SGCZ: variants seen among roughly 807,000 people sequenced by gnomAD.
SGCZ encodes zeta-sarcoglycan.
In SGCZ, 40 loss-of-function variants were observed where a neutral mutation model predicts 41.3. The observed-to-expected ratio is 0.97, with a 90% confidence interval of 0.75 to 1.26. The LOEUF (loss-of-function observed/expected upper bound fraction) is 1.26, where lower values mean the gene tolerates loss of function less well. SGCZ is among the 50% of genes most tolerant of loss of function. The pLI is 0.00. For missense variants in SGCZ, 552 were observed against 369.8 expected, an observed-to-expected ratio of 1.49 and a Z score of -4.04; for synonymous variants, 206 against 137.5, an observed-to-expected ratio of 1.50 and a Z score of -3.49.
intron 1 of SGCZ, among the ~76,000 whole-genome samples, chr8:14,692,915 C>G (rs1261044962): frequency 6.6e-6 from 1 of 152,088 alleles, no homozygotes; most frequent in Non-Finnish European, 1.5e-5. Context: ...AATTCTAAAC[C>G]TTGATGGAAT....
intron 3 of SGCZ, among the ~76,000 whole-genome samples, chr8:14,285,659 A>G (rs1280756597): frequency 6.6e-6 from 1 of 152,112 alleles, no homozygotes; most frequent in Non-Finnish European, 1.5e-5. Context: ...AGAGGAAACA[A>G]AGAAGTCCTG....
intron 2 of SGCZ, among the ~76,000 whole-genome samples, chr8:14,551,524 A>ATTATATATT (rs1563404476): frequency 1.0e-4 from 1 of 9,936 alleles, no homozygotes; most frequent in Non-Finnish European, 1.6e-4. Context: ...TATTATATAT[A>ATTATATATT]ATATATATAA....
chr8:14,486,617 A>G (rs762295296), intron 2 of SGCZ, among the ~76,000 whole-genome samples: 11 of 152,192 alleles, frequency 7.2e-5, no homozygotes, highest in Non-Finnish European at 1.5e-4. Flanking sequence ...TCTGCTGCCC[A>G]GGCTGAAGTG....
chr8:14,614,440 A>C (rs528755313), intron 1 of SGCZ, among the ~76,000 whole-genome samples: 1 of 152,326 alleles, frequency 6.6e-6, no homozygotes, highest in African/African-American at 2.4e-5. Flanking sequence ...TATATGCATT[A>C]ACAGGGTACA....
intron 1 of SGCZ, among the ~76,000 whole-genome samples, chr8:15,077,104 G>A (rs557845603): frequency 6.6e-6 from 1 of 152,302 alleles, no homozygotes. Context: ...ACTCACTGCT[G>A]TAATGAAGTG....
intron 1 of SGCZ, among the ~76,000 whole-genome samples, chr8:14,643,139 T>C (rs1351810718): frequency 6.6e-6 from 1 of 151,514 alleles, no homozygotes; most frequent in Non-Finnish European, 1.5e-5. Context: ...AAAACATGAA[T>C]AGCAAAATAG....
At chr8:14,974,864 G>GAA (rs58302235) in intron 1 of SGCZ, among the ~76,000 whole-genome samples, 197 of 132,598 alleles carry the variant, frequency 1.5e-3, no homozygotes, top group Non-Finnish European at 2.6e-3. Flanking sequence ...GTGATTTTAG[G>GAA]AAAAAAAAAA....
chr8:14,207,952 A>G (rs1375124142), intron 4 of SGCZ, among the ~76,000 whole-genome samples: 1 of 152,176 alleles, frequency 6.6e-6, no homozygotes, highest in Non-Finnish European at 1.5e-5. Flanking sequence ...GAAGATTTTC[A>G]TTCCTCTAAA....
chr8:15,078,831 A>T (rs542953333), intron 1 of SGCZ, among the ~76,000 whole-genome samples: 1 of 145,594 alleles, frequency 6.9e-6, no homozygotes, highest in South Asian at 2.2e-4. Context: ...TCATAGTTAC[A>T]TTTATAACTA....
chr8:14,552,141 A>C lies in SGCZ; in HGVS notation c.234+2591T>G, dbSNP rs538597225. Among the ~76,000 whole-genome samples the C allele has an allele frequency of 7.9e-5, 12 of 152,142 alleles. No homozygotes were observed. The South Asian group carries it at 1.2e-3, about 16-fold the overall frequency. ...AACTAGTCTTTGGTATTCTCTGTAG[A>C]TATGAAAAGGAACATAATGCACTAG... On this transcript the variant is annotated intron_variant, in intron 2 of 7. Coordinates refer to ENST00000382080, the MANE Select transcript of SGCZ (RefSeq NM_139167.4).
chr8:15,096,868 G>T (rs564761679), intron 1 of SGCZ, among the ~76,000 whole-genome samples: 44 of 151,964 alleles, frequency 2.9e-4, no homozygotes, highest in Non-Finnish European at 5.9e-5. Context: ...TTGTATTTTA[G>T]TAGAGATGGG....
chr8:15,236,802 C>T (rs1407668779), intron 1 of SGCZ, among the ~76,000 whole-genome samples: 4 of 152,116 alleles, frequency 2.6e-5, no homozygotes, highest in African/African-American at 9.6e-5. Flanking sequence ...GGAGAGGGCG[C>T]GGCGCGGGGA....
intron 2 of SGCZ, among the ~76,000 whole-genome samples, chr8:14,550,117 T>C (rs746328293): frequency 3.3e-5 from 5 of 151,984 alleles, no homozygotes; most frequent in Non-Finnish European, 7.4e-5. Context: ...AGATCATTGG[T>C]TGTGATAGCA....
chr8:14,963,824 A>T (rs1362516641), intron 1 of SGCZ, among the ~76,000 whole-genome samples: 1 of 152,190 alleles, frequency 6.6e-6, no homozygotes, highest in Non-Finnish European at 1.5e-5. Context: ...TGTAGGAGAG[A>T]TCACTCATTG....
Position 15,154,672 on chromosome 8 carries a change from C to G in SGCZ, c.39+82913G>C, listed in dbSNP as rs149180888. On this transcript the variant is annotated intron_variant, in intron 1 of 7. Coordinates refer to ENST00000382080, the MANE Select transcript of SGCZ (RefSeq NM_139167.4). ...AAGAAAATTAAAGGAAGCAACCATCCTTCAGAAACCATTTGAAGAGGGCTT... is the reference window on the plus strand; with the variant it reads ...AAGAAAATTAAAGGAAGCAACCATCGTTCAGAAACCATTTGAAGAGGGCTT... Among the ~76,000 whole-genome samples, 670 of 152,262 alleles carry G rather than the reference C, an allele frequency of 4.4e-3. 4 individuals are homozygous for G. The highest frequency in any genetic ancestry group is 0.015 in the African/African-American group (616 of 41,544).
chr8:14,339,742 T>A (rs527313962), intron 2 of SGCZ, among the ~76,000 whole-genome samples: 1 of 151,958 alleles, frequency 6.6e-6, no homozygotes, highest in South Asian at 2.1e-4. Flanking sequence ...GCCAAAAGGA[T>A]GGAACTTAAA....
intron 1 of SGCZ, among the ~76,000 whole-genome samples, chr8:15,127,737 A>T (rs546977024): frequency 1.2e-4 from 19 of 152,294 alleles, no homozygotes; most frequent in South Asian, 6.2e-4. Context: ...TATAGATTAT[A>T]CTCCATATGT....
chr8:14,186,695 C>G (rs191910264), intron 4 of SGCZ, among the ~76,000 whole-genome samples: 9 of 152,280 alleles, frequency 5.9e-5, no homozygotes, highest in African/African-American at 1.9e-4. Flanking sequence ...ACAGGGGGTT[C>G]TGAAGCCTAT....
chr8:14,244,410 C>T (rs555306314), intron 3 of SGCZ, among the ~76,000 whole-genome samples: 2 of 152,232 alleles, frequency 1.3e-5, no homozygotes, highest in South Asian at 2.1e-4. Context: ...TTCCTTAATA[C>T]TTGACCCACT....
Sources: gnomAD v4.1 joint callset for allele counts (sites outside exome capture counted in the v4.1 genomes callset) on GRCh38, gnomAD v4.1.1 for gene constraint, MANE v1.5 for transcripts, NCBI Gene and HGNC (gene_info 2026-07-23, HGNC 2026-07-21) for gene names.